FYB1: variants seen among roughly 807,000 people sequenced by gnomAD.
FYB1 encodes FYN-binding protein 1.
A neutral mutation model predicts 94.1 loss-of-function variants in FYB1; 41 were observed. The observed-to-expected ratio is 0.44, with a 90% CI of 0.34 to 0.57. The LOEUF is 0.57. FYB1 is among the 20% of genes least tolerant of loss of function. The pLI, the probability that FYB1 is intolerant of heterozygous loss-of-function variation, is 0.02. For missense variants in FYB1, 1,050 were observed against 976.8 expected (o/e 1.07, Z -1.00); for synonymous variants, 367 against 353.2 (o/e 1.04, Z -0.44).
intron 2 of FYB1, among the ~76,000 whole-genome samples, chr5:39,164,123 AG>A (rs968464973): frequency 1.3e-5 from 2 of 152,144 alleles, no homozygotes; most frequent in African/African-American, 4.8e-5. Flanking sequence ...AGGGAGAGAG[AG>A]GGGCAAACAG....
chr5:39,130,061 C>T (rs1330395655), intron 10 of FYB1, among the ~76,000 whole-genome samples: 6 of 150,042 alleles, frequency 4.0e-5, no homozygotes, highest in Non-Finnish European at 7.4e-5. Context: ...CAATGAAATA[C>T]TATTTGGTCA....
chr5:39,150,454 C>A (rs994412400), intron 3 of FYB1, among the ~76,000 whole-genome samples: 1 of 152,176 alleles, frequency 6.6e-6, no homozygotes, highest in African/African-American at 2.4e-5. Context: ...ATAAAGCCAA[C>A]CTCCTCTGCT....
chr5:39,219,695 A>G (rs1280437768), upstream of FYB1: 1 of 645,388 alleles, frequency 1.5e-6, no homozygotes, highest in Non-Finnish European at 1.9e-6. Context: ...AATAAGGAGG[A>G]GAAAGGGGAA....
rs954230173 is a variant in FYB1, at chr5:39,170,223, T to C, written c.1136-16619A>G. ...CAGTATAGTCAGTATTTTTGCTATATATGATGTTGCTGGTGGTGGTGTCTT... is the reference window on the plus strand; with the variant it reads ...CAGTATAGTCAGTATTTTTGCTATACATGATGTTGCTGGTGGTGGTGTCTT... On this transcript the variant is annotated intron_variant, in intron 2 of 18. Transcript: ENST00000512982. 4.6e-5 allele frequency: 41 copies of C among 891,414 alleles called. No homozygotes were observed. The Admixed American group carries it at 7.2e-4, about 16-fold the overall frequency. 55.2% of individuals were successfully genotyped at this position (891,414 alleles called of 1,614,324 possible).
At chr5:39,126,841 C>A (rs1438867280) in intron 11 of FYB1, among the ~76,000 whole-genome samples, 1 of 151,292 alleles carries the variant, frequency 6.6e-6, no homozygotes, top group East Asian at 1.9e-4. Context: ...GGCAGATCAC[C>A]CGAGATCAGA....
At chr5:39,262,790 G>A (rs1486611568) in intron 1 of FYB1, among the ~76,000 whole-genome samples, 2 of 151,924 alleles carry the variant, frequency 1.3e-5, no homozygotes, top group African/African-American at 4.8e-5. Context: ...GTGAAAGAAG[G>A]CAAAGTGCAG....
chr5:39,138,938 T>G, intron 5 of FYB1: 1 of 555,404 alleles, frequency 1.8e-6, no homozygotes. Flanking sequence ...ATTTTTTTTC[T>G]CCTTAGAAAT....
intron 1 of FYB1, among the ~76,000 whole-genome samples, chr5:39,225,638 A>T (rs1468428298): frequency 1.3e-5 from 2 of 152,216 alleles, no homozygotes; most frequent in African/African-American, 4.8e-5. Flanking sequence ...AAAGTATGTT[A>T]TGCATATACT....
chr5:39,181,936 C>T (rs1229938552), intron 2 of FYB1, among the ~76,000 whole-genome samples: 2 of 152,030 alleles, frequency 1.3e-5, no homozygotes, highest in African/African-American at 4.8e-5. Context: ...TTTATGTGCA[C>T]AATACTTAAT....
intron 3 of FYB1, among the ~76,000 whole-genome samples, chr5:39,150,797 C>T (rs1743184493): frequency 6.6e-6 from 1 of 152,198 alleles, no homozygotes; most frequent in Non-Finnish European, 1.5e-5. Context: ...CTACTGCATA[C>T]CTTGCCTGCA....
Position 39,258,605 on chromosome 5 carries a change from C to G in FYB1, c.-28+15798G>C, listed in dbSNP as rs537772626. ...ACAGAGCAAGACCCTGTGTCAAAAA[C>G]AAAACAAAACAACAATAAGAACAAC... On this transcript the variant is annotated intron_variant, in intron 1 of 1. Transcript: ENST00000510188. 2.0e-5 allele frequency among the ~76,000 whole-genome samples: 3 copies of G among 151,764 alleles called. No individual in the cohort carries two copies. In the South Asian group the frequency reaches 6.2e-4, roughly 32 times the overall value.
intron 1 of FYB1, among the ~76,000 whole-genome samples, chr5:39,260,080 C>T (rs984693623): frequency 2.6e-5 from 4 of 152,026 alleles, no homozygotes; most frequent in African/African-American, 9.7e-5. Context: ...TTTGGAAGAG[C>T]AATTAAAATC....
At chr5:39,200,538 T>C (rs1748217736) in intron 2 of FYB1, among the ~76,000 whole-genome samples, 1 of 152,176 alleles carries the variant, frequency 6.6e-6, no homozygotes, top group African/African-American at 2.4e-5. Context: ...AAAATAATAG[T>C]TCTGAATTAT....
At chr5:39,176,397 G>A (rs186681317) in intron 2 of FYB1, among the ~76,000 whole-genome samples, 20 of 151,942 alleles carry the variant, frequency 1.3e-4, no homozygotes, top group Admixed American at 2.0e-4. Flanking sequence ...TGATTCACTC[G>A]CTTCGGCCTT....
chr5:39,110,390 C>T lies in FYB1; in HGVS notation c.2402-1G>A. 6.3e-7 allele frequency: 1 copy of T among 1,588,860 alleles called. No individual in the cohort carries two copies. The highest frequency in any genetic ancestry group is 8.6e-7 in the Non-Finnish European group (1 of 1,162,782). ...AGGTAACTCCGAAGGACATAACCATCTACGAAGGAAAAAGGAAATAAATTG... is the reference window on the plus strand; with the variant it reads ...AGGTAACTCCGAAGGACATAACCATTTACGAAGGAAAAAGGAAATAAATTG... On this transcript the variant is annotated splice_acceptor_variant, in intron 16 of 18. Transcript: ENST00000512982. LOFTEE classifies it high-confidence loss of function.
chr5:39,118,003 T>A (rs1465526064), intron 16 of FYB1, among the ~76,000 whole-genome samples: 1 of 152,098 alleles, frequency 6.6e-6, no homozygotes, highest in Non-Finnish European at 1.5e-5. Flanking sequence ...GCTCAAGTGA[T>A]ATTTTTCTGC....
intron 2 of FYB1, among the ~76,000 whole-genome samples, chr5:39,181,321 G>A (rs983584607): frequency 1.8e-4 from 28 of 152,106 alleles, no homozygotes; most frequent in Admixed American, 1.3e-3. Flanking sequence ...GCTACTAGTC[G>A]CCTGTGGCTA....
intron 1 of FYB1, among the ~76,000 whole-genome samples, chr5:39,242,497 C>A (rs539340480): frequency 6.6e-6 from 1 of 152,220 alleles, no homozygotes; most frequent in East Asian, 1.9e-4. Flanking sequence ...GCATAGTATT[C>A]CATGGTGTAT....
At chr5:39,114,431 G>A (rs1739347292) in intron 16 of FYB1, among the ~76,000 whole-genome samples, 1 of 152,108 alleles carries the variant, frequency 6.6e-6, no homozygotes, top group Admixed American at 6.6e-5. Flanking sequence ...TAATGGTAAG[G>A]GATTGTTGTT....
Sources: allele counts gnomAD v4.1 joint callset (sites outside exome capture counted in the v4.1 genomes callset), GRCh38; gene constraint gnomAD v4.1.1; transcripts MANE v1.5; gene names NCBI Gene and HGNC (gene_info 2026-07-23, HGNC 2026-07-21).